Variants in HIVEP3 observed in about 807,000 individuals in gnomAD.
HIVEP3 encodes the protein transcription factor HIVEP3.
A neutral mutation model predicts 152.8 loss-of-function variants in HIVEP3; 49 were observed. The ratio of observed to expected loss-of-function variants is 0.32; its 90% CI spans 0.26 to 0.41. The LOEUF is 0.41. Ranked by LOEUF, HIVEP3 falls within the 10% of genes least tolerant of loss-of-function variation. The pLI, the probability that HIVEP3 is intolerant of heterozygous loss-of-function variation, is 1.00. For synonymous variants in HIVEP3, 1,269 were observed against 1,289.0 expected (o/e 0.98, Z 0.33); for missense variants, 2,790 against 3,103.3 (o/e 0.90, Z 2.40).
At chr1:41,715,069 T>TC (rs147417481) in intron 1 of HIVEP3, among the ~76,000 whole-genome samples, 2,523 of 152,170 alleles carry the variant, frequency 0.017, 69 homozygotes, top group African/African-American at 0.058. Context: ...GGCTCTCAGC[T>TC]CCCTAACTGC....
rs1644411790 is a variant in HIVEP3, at chr1:41,581,681, C to T, written c.3117G>A (p.Glu1039=). ...GTCTCACCAAGAAGCATTTTCTTCT[C>T]TCTGGCGGGGCCACCCGCGCTGGTG... ...VAPPARVAPP[E]RRKCFLVRQA... The change falls in exon 4 of 9, where the codon GAG becomes GAA. Residue 1039 remains glutamate (E), a synonymous_variant. Coordinates refer to ENST00000372583, the MANE Select transcript of HIVEP3 (RefSeq NM_024503.5). The surrounding 1 kb of genome is among the most constrained non-coding windows in gnomAD (Gnocchi z 4.5). 4.3e-6 allele frequency: 7 copies of T among 1,614,104 alleles called. No individual in the cohort carries two copies. The East Asian group carries it at 1.3e-4, about 31-fold the overall frequency.
intron 1 of HIVEP3, among the ~76,000 whole-genome samples, chr1:41,867,522 A>T (rs140482478): frequency 6.6e-6 from 1 of 152,134 alleles, no homozygotes; most frequent in Admixed American, 6.5e-5. Context: ...CTCCAGACTC[A>T]TTCCAGCTGC....
chr1:41,788,109 C>G (rs1160340695), intron 1 of HIVEP3, among the ~76,000 whole-genome samples: 4 of 152,206 alleles, frequency 2.6e-5, no homozygotes, highest in African/African-American at 9.6e-5. Flanking sequence ...GTCAGAACTG[C>G]CCTGGGCCTG....
intron 3 of HIVEP3, among the ~76,000 whole-genome samples, chr1:41,605,198 A>C (rs1644803099): frequency 6.9e-6 from 1 of 145,842 alleles, no homozygotes; most frequent in Non-Finnish European, 1.5e-5. Context: ...AAGGGAAGGG[A>C]AGGGAGGAAA....
At chr1:41,646,814 A>G (rs1415455487) in intron 2 of HIVEP3, among the ~76,000 whole-genome samples, 2 of 152,094 alleles carry the variant, frequency 1.3e-5, no homozygotes, top group Admixed American at 1.3e-4. Flanking sequence ...AACAACACAA[A>G]CTTATTATCT....
chr1:41,681,637 G>C (rs1478029671), intron 2 of HIVEP3, among the ~76,000 whole-genome samples: 2 of 152,180 alleles, frequency 1.3e-5, no homozygotes, highest in African/African-American at 4.8e-5. Flanking sequence ...CACATCCTCT[G>C]GGCCAGAATG....
chr1:42,004,933 G>A (rs1193843860), intron 1 of HIVEP3, among the ~76,000 whole-genome samples: 56 of 152,210 alleles, frequency 3.7e-4, no homozygotes, highest in Non-Finnish European at 4.4e-5. Context: ...ATTAGAGTTT[G>A]CTGTAAATAT....
chr1:42,002,559 T>C (rs1237375977), intron 1 of HIVEP3, among the ~76,000 whole-genome samples: 1 of 152,230 alleles, frequency 6.6e-6, no homozygotes, highest in African/African-American at 2.4e-5. Context: ...CACTTTGTTC[T>C]CAACCTTGGC....
intron 5 of HIVEP3, among the ~76,000 whole-genome samples, chr1:41,526,480 ACACT>A (rs1002034868): frequency 1.1e-5 from 1 of 88,188 alleles, no homozygotes; most frequent in African/African-American, 4.6e-5. Flanking sequence ...ACTCACCTTC[ACACT>A]CACCTTCACA....
Position 41,583,035 on chromosome 1 carries a change from T to G in HIVEP3, c.1763A>C (p.Lys588Thr). 1.2e-6 allele frequency: 2 copies of G among 1,613,968 alleles called. No individual in the cohort carries two copies. Among genetic ancestry groups the G allele is most frequent in the Non-Finnish European group, 1.7e-6 (2 of 1,180,004 alleles). ...AGGTAATTCGATTGCCGGCTGGCGC[T>G]TCAGCATCCGGGGGTGGGAGGTAAA... is the stretch of plus-strand genomic sequence containing the variant. ...HVFTSHPRML[K>T]RQPAIELPLG... Residue 588 changes from lysine to threonine, a missense_variant, in exon 4 of 9, where the codon AAG becomes ACG. Around this residue, in one of 9 missense-constraint regions of HIVEP3, gnomAD observed 339 missense variants for 327.0 expected, o/e 1.04. Transcript: ENST00000372583. This position sits in a 1 kb window ranked among gnomAD's most constrained non-coding sequence, Gnocchi z 6.9.
chr1:41,783,250 G>A (rs1456355171), intron 1 of HIVEP3, among the ~76,000 whole-genome samples: 1 of 152,182 alleles, frequency 6.6e-6, no homozygotes, highest in African/African-American at 2.4e-5. Flanking sequence ...GTTGGGGCCA[G>A]GAGGAGCAGT....
chr1:42,035,591 C>A (rs935210023), intron 1 of HIVEP3, among the ~76,000 whole-genome samples: 2 of 152,010 alleles, frequency 1.3e-5, no homozygotes, highest in Admixed American at 6.5e-5. Flanking sequence ...CAGCTCCCTG[C>A]GCCGGAGCTG....
chr1:41,709,899 G>A (rs907608535), intron 1 of HIVEP3, among the ~76,000 whole-genome samples: 1 of 152,168 alleles, frequency 6.6e-6, no homozygotes, highest in African/African-American at 2.4e-5. Context: ...CTTTAGCCAG[G>A]TTCAGCTCAG....
At chr1:41,693,048 A>G (rs1289932696) in intron 2 of HIVEP3, among the ~76,000 whole-genome samples, 1 of 152,190 alleles carries the variant, frequency 6.6e-6, no homozygotes, top group Non-Finnish European at 1.5e-5. Context: ...TATTATGCCC[A>G]CTTTGCAGAT....
intron 3 of HIVEP3, among the ~76,000 whole-genome samples, chr1:41,597,183 G>A (rs984613613): frequency 1.3e-5 from 2 of 152,096 alleles, no homozygotes; most frequent in Admixed American, 6.6e-5. Flanking sequence ...AATCCTAGAC[G>A]AGTTAGACCC....
intron 3 of HIVEP3, among the ~76,000 whole-genome samples, chr1:41,611,718 C>T (rs1199695050): frequency 2.0e-5 from 3 of 152,234 alleles, no homozygotes; most frequent in African/African-American, 7.2e-5. Context: ...TCTAGAGACC[C>T]ACCTGGCTTT....
intron 4 of HIVEP3, among the ~76,000 whole-genome samples, chr1:41,577,490 C>T (rs1354688672): frequency 6.6e-6 from 1 of 152,038 alleles, no homozygotes; most frequent in Non-Finnish European, 1.5e-5. Context: ...GTGTTGTTGT[C>T]AAAATGATTC....
intron 1 of HIVEP3, among the ~76,000 whole-genome samples, chr1:41,800,452 A>C (rs1361682609): frequency 2.0e-5 from 3 of 152,228 alleles, no homozygotes; most frequent in Admixed American, 2.0e-4. Context: ...TCCAGCCAAG[A>C]GCTGGCACCA....
intron 6 of HIVEP3, among the ~76,000 whole-genome samples, chr1:41,518,964 T>C (rs959903448): frequency 2.0e-5 from 3 of 152,114 alleles, no homozygotes; most frequent in Non-Finnish European, 4.4e-5. Context: ...AGCATGCCCT[T>C]CTGGCTGAGG....
Sources: gnomAD v4.1 joint callset for allele counts (sites outside exome capture counted in the v4.1 genomes callset) on GRCh38, gnomAD v4.1.1 for gene constraint, gnomAD v4.1.1 regional missense constraint, Gnocchi (gnomAD v3.1) non-coding constraint, MANE v1.5 for transcripts, NCBI Gene and HGNC (gene_info 2026-07-23, HGNC 2026-07-21) for gene names.